STPG2: variants seen among roughly 807,000 people sequenced by gnomAD.
STPG2 encodes the protein sperm tail PG-rich repeat containing 2.
STPG2 carries 56 observed loss-of-function variants against 54.2 expected under a neutral mutation model. The observed-to-expected ratio is 1.03, with a 90% CI of 0.83 to 1.29. STPG2 has a LOEUF of 1.29. STPG2 is among the 50% of genes most tolerant of loss of function. The pLI, the probability that STPG2 is intolerant of heterozygous loss-of-function variation, is 0.00. For missense variants in STPG2, 596 were observed against 544.9 expected (o/e 1.09, Z -0.93); for synonymous variants, 200 against 181.8 (o/e 1.10, Z -0.81).
chr4:97,682,922 TG>T (rs1723076564), intron 10 of STPG2, among the ~76,000 whole-genome samples: 1 of 151,780 alleles, frequency 6.6e-6, no homozygotes, highest in African/African-American at 2.4e-5. Context: ...AGTAGGACCA[TG>T]GGAAACTGGA....
At chr4:97,800,985 T>C (rs1270522135) in intron 9 of STPG2, among the ~76,000 whole-genome samples, 3 of 150,338 alleles carry the variant, frequency 2.0e-5, no homozygotes, top group South Asian at 2.1e-4. Context: ...CCTAGCCAGG[T>C]GCAGGAGAGA....
chr4:98,106,605 C>T (rs891697028), intron 4 of STPG2, among the ~76,000 whole-genome samples: 3 of 152,136 alleles, frequency 2.0e-5, no homozygotes, highest in Non-Finnish European at 4.4e-5. Context: ...AAGATCCCAG[C>T]ATTGCTACCT....
Position 97,708,855 on chromosome 4 carries a change from A to G in STPG2, c.1320+3844T>C, listed in dbSNP as rs924635852. ...TAAAATTACCCAGAATGAGGGTTTT[A>G]GACAAGTGGGTAATCTGCTAACAAA... On this transcript the variant is annotated intron_variant, in intron 10 of 10. Transcript: ENST00000295268. 2.2e-4 allele frequency among the ~76,000 whole-genome samples: 34 copies of G among 151,932 alleles called. 1 individual carries two copies. Among genetic ancestry groups the G allele is most frequent in the African/African-American group, 6.0e-4 (25 of 41,560 alleles).
intron 5 of STPG2, among the ~76,000 whole-genome samples, chr4:97,992,479 C>T (rs762879355): frequency 5.9e-5 from 9 of 152,080 alleles, no homozygotes; most frequent in Non-Finnish European, 1.3e-4. Context: ...TGTATCAGTA[C>T]CATGCTGTTT....
At chr4:97,973,826 G>A (rs1734416374) in intron 6 of STPG2, among the ~76,000 whole-genome samples, 1 of 152,230 alleles carries the variant, frequency 6.6e-6, no homozygotes, top group Non-Finnish European at 1.5e-5. Flanking sequence ...GCAGAAGTTT[G>A]CTGCAGGGGT....
At chr4:97,703,048 C>T (rs1004456613) in intron 10 of STPG2, among the ~76,000 whole-genome samples, 3 of 152,034 alleles carry the variant, frequency 2.0e-5, no homozygotes, top group Admixed American at 1.3e-4. Flanking sequence ...AAGTTTGGAG[C>T]AACCAACCAG....
At chr4:97,590,528 C>A (rs1733114760) in intron 10 of STPG2, among the ~76,000 whole-genome samples, 1 of 151,806 alleles carries the variant, frequency 6.6e-6, no homozygotes, top group South Asian at 2.1e-4. Context: ...AAATGATAGA[C>A]AAACTGGAAA....
At chr4:97,785,355 A>C (rs1450234174) in intron 9 of STPG2, among the ~76,000 whole-genome samples, 2 of 152,086 alleles carry the variant, frequency 1.3e-5, no homozygotes, top group Non-Finnish European at 2.9e-5. Context: ...AAGTAATTAC[A>C]GTCTATTTTT....
intron 5 of STPG2, among the ~76,000 whole-genome samples, chr4:97,990,840 G>C (rs1734979058): frequency 6.6e-6 from 1 of 152,072 alleles, no homozygotes. Context: ...ATTATGTGCA[G>C]GGATTGGAAA....
intron 4 of STPG2, among the ~76,000 whole-genome samples, chr4:97,551,286 T>TA (rs914722541): frequency 3.3e-5 from 5 of 151,954 alleles, no homozygotes; most frequent in Admixed American, 2.6e-4. Flanking sequence ...CAGAGAAAAA[T>TA]AGAGTATCTC....
intron 10 of STPG2, among the ~76,000 whole-genome samples, chr4:97,615,390 G>A (rs571503200): frequency 1.6e-3 from 250 of 151,902 alleles, no homozygotes; most frequent in African/African-American, 5.8e-3. Context: ...CAATATATTG[G>A]CATTTTTGAT....
intron 8 of STPG2, among the ~76,000 whole-genome samples, chr4:97,860,880 T>G (rs1204156921): frequency 6.6e-6 from 1 of 152,182 alleles, no homozygotes; most frequent in Non-Finnish European, 1.5e-5. Context: ...GCTTTCAGCT[T>G]TTCCCCATTC....
At chr4:98,131,358 C>T (rs567821462) in intron 2 of STPG2, among the ~76,000 whole-genome samples, 5 of 152,220 alleles carry the variant, frequency 3.3e-5, no homozygotes, top group African/African-American at 1.2e-4. Flanking sequence ...ATGATTTTTT[C>T]TATGTATTAC....
chr4:97,732,638 A>G (rs1249409327), intron 9 of STPG2, among the ~76,000 whole-genome samples: 1 of 152,168 alleles, frequency 6.6e-6, no homozygotes, highest in Non-Finnish European at 1.5e-5. Context: ...ACAACCCACA[A>G]GAAAATATTT....
intron 8 of STPG2, among the ~76,000 whole-genome samples, chr4:97,849,516 A>G (rs1729082081): frequency 6.6e-6 from 1 of 151,954 alleles, no homozygotes; most frequent in African/African-American, 2.4e-5. Context: ...TTCGCAACCT[A>G]CTCATCTGAC....
chr4:98,040,190 G>T (rs542979931), intron 5 of STPG2, among the ~76,000 whole-genome samples: 5 of 151,700 alleles, frequency 3.3e-5, no homozygotes, highest in Admixed American at 1.3e-4. Flanking sequence ...TGTCGTTCTT[G>T]TTTGAGTTAC....
At chr4:97,717,473 T>C (rs1724326060) in intron 9 of STPG2, among the ~76,000 whole-genome samples, 1 of 152,318 alleles carries the variant, frequency 6.6e-6, no homozygotes, top group East Asian at 1.9e-4. Context: ...TTCCTAGCAC[T>C]GATTAAGCTA....
At chr4:97,742,519 CTGTGTGTGTGTGTG>C (rs150619013) in intron 9 of STPG2, among the ~76,000 whole-genome samples, 6 of 125,096 alleles carry the variant, frequency 4.8e-5, no homozygotes, top group African/African-American at 1.2e-4. Context: ...AATGAATAAA[CTGTGTGTGTGTGTG>C]TGTGTGTGTG....
At chr4:97,724,674 C>T (rs2149019447) in intron 9 of STPG2, among the ~76,000 whole-genome samples, 1 of 152,178 alleles carries the variant, frequency 6.6e-6, no homozygotes, top group South Asian at 2.1e-4. Context: ...TATATCTTTT[C>T]TTCCAATACT....
Sources: allele counts gnomAD v4.1 joint callset (sites outside exome capture counted in the v4.1 genomes callset), GRCh38; gene constraint gnomAD v4.1.1; transcripts MANE v1.5; gene names NCBI Gene and HGNC (gene_info 2026-07-23, HGNC 2026-07-21).